CSMD1: variants seen among roughly 807,000 people sequenced by gnomAD.
CSMD1 encodes CUB and sushi domain-containing protein 1.
Under a neutral mutation model 417.5 loss-of-function variants are expected in CSMD1, and 213 were observed. The ratio of observed to expected loss-of-function variants is 0.51; its 90% confidence interval spans 0.46 to 0.57. The LOEUF (loss-of-function observed/expected upper bound fraction) is 0.57. Among genes scored for constraint, CSMD1 ranks in the 20% least tolerant of loss-of-function variants. CSMD1 has a pLI of 0.00. For synonymous variants in CSMD1, 2,862 were observed against 1,736.8 expected (o/e 1.65, Z -16.11); for missense variants, 6,923 against 4,529.7 (o/e 1.53, Z -15.17).
Position 3,586,242 on chromosome 8 carries a change from C to G in CSMD1, c.1116G>C (p.Gln372His). The G allele has an allele frequency of 2.5e-6, 4 of 1,608,934 alleles. No homozygotes were observed. The highest frequency in any genetic ancestry group is 3.4e-6 in the Non-Finnish European group (4 of 1,178,582). Residue 372 changes from glutamine (Q) to histidine (H), a missense_variant, in exon 9 of 70, where the codon CAG becomes CAC. Coordinates refer to ENST00000635120, the MANE Select transcript of CSMD1 (RefSeq NM_033225.6). ...GCACGTAATTGTCCTCACATGAAAA[C>G]TGTACATTTGCACCAACCCTAAGCC... ...GSDFRVGANV[Q>H]FSCEDNYVLQ... is the part of the protein sequence containing the mutation.
At position 3,087,143 on chromosome 8, in the gene CSMD1, G is replaced by T. The variant is rs751697507; in HGVS notation, c.7428C>A (p.Asn2476Lys). Residue 2476 changes from asparagine (N) to lysine (K), a missense_variant, in exon 49 of 70, where the codon AAC (asparagine) becomes AAA (lysine). Physicochemically the swap from Asn to Lys is moderately conservative, Grantham distance 94. Coordinates refer to ENST00000635120, the MANE Select transcript of CSMD1 (RefSeq NM_033225.6). ...AGTCCCACTGGTACATGCCAAGTGGGTTTCGTCTACAGGTTGCATTGCTGT... is the reference window on the plus strand; with the variant it reads ...AGTCCCACTGGTACATGCCAAGTGGTTTTCGTCTACAGGTTGCATTGCTGT... ...VGHSNATCRRNPLGMYQWDSL... is the reference protein window; with the variant it reads ...VGHSNATCRRKPLGMYQWDSL... 36 of 1,613,702 alleles carry T rather than the reference G, an allele frequency of 2.2e-5. No individual in the cohort carries two copies. Among genetic ancestry groups the T allele is most frequent in the African/African-American group, 8.0e-5 (6 of 74,930 alleles).
At chr8:4,730,285 G>A (rs1374499158) in intron 1 of CSMD1, among the ~76,000 whole-genome samples, 2 of 152,170 alleles carry the variant, frequency 1.3e-5, no homozygotes, top group Non-Finnish European at 2.9e-5. Context: ...GAACAACTGT[G>A]AAGACAGTTC....
intron 3 of CSMD1, among the ~76,000 whole-genome samples, chr8:4,084,587 G>C (rs1018813198): frequency 1.3e-5 from 2 of 152,134 alleles, no homozygotes; most frequent in African/African-American, 4.8e-5. Context: ...AATCAACCTT[G>C]TTGGGAGAGA....
At chr8:2,960,965 T>TATATATATATAC (rs1462555176) in intron 62 of CSMD1, among the ~76,000 whole-genome samples, 176 bp downstream of exon 62, 6 of 131,060 alleles carry the variant, frequency 4.6e-5, no homozygotes, top group African/African-American at 1.4e-4. Context: ...TATATATATA[T>TATATATATATAC]ACATATATTG....
At chr8:4,690,738 T>C (rs1247092945) in intron 1 of CSMD1, among the ~76,000 whole-genome samples, 1 of 152,200 alleles carries the variant, frequency 6.6e-6, no homozygotes, top group African/African-American at 2.4e-5. Context: ...GATATTATTA[T>C]TTTATTTTTG....
chr8:4,787,113 G>C (rs144071571), intron 1 of CSMD1, among the ~76,000 whole-genome samples: 2 of 152,174 alleles, frequency 1.3e-5, no homozygotes, highest in South Asian at 4.1e-4. Flanking sequence ...GCCTCCGCTG[G>C]CTCAACTTTT....
intron 3 of CSMD1, among the ~76,000 whole-genome samples, chr8:4,225,929 G>C (rs1173079102): frequency 2.6e-5 from 4 of 151,986 alleles, no homozygotes; most frequent in Non-Finnish European, 5.9e-5. Context: ...TTTCTTATTT[G>C]GTAGAATTTA....
chr8:3,339,506 AG>A (rs1237406411), intron 23 of CSMD1, among the ~76,000 whole-genome samples: 1 of 152,182 alleles, frequency 6.6e-6, no homozygotes, highest in African/African-American at 2.4e-5. Flanking sequence ...TTATCTCATC[AG>A]AGGGCCAATG....
chr8:4,028,862 T>C (rs1386194969), intron 4 of CSMD1, among the ~76,000 whole-genome samples: 3 of 152,224 alleles, frequency 2.0e-5, no homozygotes, highest in Admixed American at 6.5e-5. Context: ...ACTCAAAAGA[T>C]AAATTTTTCT....
intron 3 of CSMD1, among the ~76,000 whole-genome samples, chr8:4,153,300 C>G (rs576257399): frequency 6.6e-6 from 1 of 152,170 alleles, no homozygotes; most frequent in Non-Finnish European, 1.5e-5. Context: ...CAGTTCATCT[C>G]CGGGCTCTTC....
chr8:3,691,580 C>A (rs577107642), intron 7 of CSMD1, among the ~76,000 whole-genome samples: 1 of 152,296 alleles, frequency 6.6e-6, no homozygotes, highest in East Asian at 1.9e-4. Context: ...ACTTTATAAT[C>A]TTCCAACCTT....
chr8:4,747,761 C>A (rs1811049423), intron 1 of CSMD1, among the ~76,000 whole-genome samples: 1 of 152,122 alleles, frequency 6.6e-6, no homozygotes, highest in East Asian at 1.9e-4. Flanking sequence ...ACATCGAATA[C>A]TGTGTAAAGC....
intron 3 of CSMD1, among the ~76,000 whole-genome samples, chr8:4,311,519 T>C (rs1333550129): frequency 6.6e-6 from 1 of 152,038 alleles, no homozygotes; most frequent in Non-Finnish European, 1.5e-5. Context: ...GATCAGGAGT[T>C]CGAGACCAGC....
chr8:4,175,945 T>C (rs566378369), intron 3 of CSMD1, among the ~76,000 whole-genome samples: 115 of 152,248 alleles, frequency 7.6e-4, no homozygotes, highest in African/African-American at 2.5e-3. Context: ...GCTGTCGACA[T>C]TGGTGGCATG....
chr8:4,394,408 T>A (rs947993084), intron 3 of CSMD1, among the ~76,000 whole-genome samples: 1 of 152,220 alleles, frequency 6.6e-6, no homozygotes, highest in African/African-American at 2.4e-5. Context: ...TAGAACACAA[T>A]CAATATTTCG....
intron 40 of CSMD1, among the ~76,000 whole-genome samples, chr8:3,148,852 A>G (rs549463695): frequency 6.6e-6 from 1 of 152,342 alleles, no homozygotes; most frequent in African/African-American, 2.4e-5. Flanking sequence ...AGGTTATAGA[A>G]TTTATCACAG....
chr8:3,825,777 T>C (rs146341111), intron 5 of CSMD1, among the ~76,000 whole-genome samples: 180 of 152,232 alleles, frequency 1.2e-3, no homozygotes, highest in African/African-American at 4.1e-3. Flanking sequence ...AAATGTAGAA[T>C]ATATTCAGGC....
intron 3 of CSMD1, among the ~76,000 whole-genome samples, chr8:4,035,828 C>G (rs1423281899): frequency 1.3e-5 from 2 of 152,096 alleles, no homozygotes; most frequent in Admixed American, 6.6e-5. Context: ...TTAGTGTACT[C>G]TAAGTGTACA....
At chr8:3,991,582 C>G (rs574685434) in intron 5 of CSMD1, among the ~76,000 whole-genome samples, 1 of 152,104 alleles carries the variant, frequency 6.6e-6, no homozygotes, top group East Asian at 1.9e-4. Flanking sequence ...GTAAGAGTAG[C>G]TAGTGATGAC....
Sources: allele counts gnomAD v4.1 joint callset (sites outside exome capture counted in the v4.1 genomes callset), GRCh38; gene constraint gnomAD v4.1.1; transcripts MANE v1.5; gene names NCBI Gene and HGNC (gene_info 2026-07-23, HGNC 2026-07-21).